The following DHDH variants were observed in gnomAD, a reference collection of about 807,000 sequenced individuals.
DHDH encodes the protein dihydrodiol dehydrogenase, also known as trans-1,2-dihydrobenzene-1,2-diol dehydrogenase.
A neutral mutation model predicts 33.2 loss-of-function variants in DHDH; 29 were observed. The observed-to-expected ratio is 0.87, with a 90% CI of 0.65 to 1.19. The LOEUF is 1.19. Among genes scored for constraint, DHDH ranks in the 50% most tolerant of loss-of-function variants. The probability of loss-of-function intolerance (pLI) is 0.00; values close to 1 mark genes in which losing one functional copy is unlikely to be tolerated. For synonymous variants in DHDH, 201 were observed against 187.9 expected, an observed-to-expected ratio of 1.07 and a Z score of -0.57; for missense variants, 431 against 455.0, an observed-to-expected ratio of 0.95 and a Z score of 0.48.
At position 48,944,881 on chromosome 19, in the gene DHDH, T is replaced by C. The variant is rs371781414; in HGVS notation, c.953T>C (p.Leu318Pro). ...LSESELLADI[L>P]EEVRKAIGVT... ...GAAAGTGAGCTCCTGGCTGACATCC[T>C]TGAAGAGGTGAGGAAGGCCATTGGA... is the stretch of plus-strand genomic sequence containing the variant. The change falls in exon 7 of 7, where the codon CTT becomes CCT. Residue 318 changes from leucine (L) to proline (P), a missense_variant. Leu to Pro is a moderately conservative substitution (Grantham distance 98, BLOSUM62 -3). Coordinates refer to ENST00000221403, the MANE Select transcript of DHDH (RefSeq NM_014475.4). 2.5e-6 allele frequency: 4 copies of C among 1,613,946 alleles called. No individual in the cohort carries two copies. The highest frequency in any genetic ancestry group is 3.4e-6 in the Non-Finnish European group (4 of 1,180,012).
At chr19:48,944,208 G>T in intron 5 of DHDH, 149 bp from the exon 6 acceptor site, 2 of 971,532 alleles carry the variant, frequency 2.1e-6, no homozygotes, top group Non-Finnish European at 3.0e-6. Context: ...AATGAAGGAG[G>T]GTCCAAAGCT....
At chr19:48,939,218 C>A (rs112197361) in intron 3 of DHDH, among the ~76,000 whole-genome samples, 11,465 of 151,474 alleles carry the variant, frequency 0.076, 1,051 homozygotes, top group African/African-American at 0.22. Context: ...GGTGGGAGGA[C>A]TGCTTGAGCC....
intron 5 of DHDH, among the ~76,000 whole-genome samples, chr19:48,943,115 C>G (rs2037889005): frequency 1.3e-5 from 2 of 151,618 alleles, no homozygotes; most frequent in Admixed American, 6.6e-5. Flanking sequence ...GGTGGTCACA[C>G]CTATAATCCC....
chr19:48,941,326 A>G (rs764670591), intron 4 of DHDH, among the ~76,000 whole-genome samples: 17 of 152,156 alleles, frequency 1.1e-4, no homozygotes, highest in Non-Finnish European at 1.9e-4. Context: ...CTACTGGCCC[A>G]TTGGCCAAAG....
Position 48,939,744 on chromosome 19 carries a change from C to T in DHDH, c.619+43C>T, listed in dbSNP as rs747999819. 7 of 1,544,366 alleles carry T rather than the reference C, an allele frequency of 4.5e-6. No individual in the cohort carries two copies. The African/African-American group carries it at 5.4e-5, about 12-fold the overall frequency. The stretch of plus-strand genomic sequence containing the variant: ...ATATTTCATGGTGATGGGAATGATT[C>T]TGTCTCTCTGGGAGCACTGAACTGA... On this transcript the variant is annotated intron_variant, in intron 4 of 6. Coordinates refer to ENST00000221403, the MANE Select transcript of DHDH (RefSeq NM_014475.4).
intron 4 of DHDH, 149 bp downstream of exon 4, chr19:48,939,850 A>C (rs1365242287): frequency 6.7e-6 from 8 of 1,199,498 alleles, no homozygotes; most frequent in Non-Finnish European, 8.0e-6. Flanking sequence ...GATCAGAGTC[A>C]AGACTGCAGG....
chr19:48,933,548 C>T (rs1415841758), upstream of DHDH: 8 of 623,572 alleles, frequency 1.3e-5, no homozygotes, highest in Non-Finnish European at 2.0e-5. Flanking sequence ...ACGGTGCATT[C>T]GCCCAGCGGG....
At chr19:48,936,224 C>T (rs1189837262) in intron 3 of DHDH, 29 bp downstream of exon 3, 11 of 1,548,660 alleles carry the variant, frequency 7.1e-6, no homozygotes, top group Non-Finnish European at 9.6e-6. Context: ...TTCCAATATC[C>T]AGCGTAAAAG....
At chr19:48,944,747 T>C in intron 6 of DHDH, 77 bp from the exon 7 acceptor site, 1 of 1,375,768 alleles carries the variant, frequency 7.3e-7, no homozygotes, top group East Asian at 2.3e-5. Context: ...TTGTGCCACA[T>C]GGAATTCTGG....
In DHDH at chr19:48,933,727, G is replaced by C; in HGVS notation, c.6G>C (p.Ala2=). 1.2e-6 allele frequency: 2 copies of C among 1,613,340 alleles called. No individual in the cohort carries two copies. Among genetic ancestry groups the C allele is most frequent in the East Asian group, 2.2e-5 (1 of 44,868 alleles). The change falls in exon 1 of 7, where the codon GCG becomes GCC. Residue 2 remains alanine (A), a synonymous_variant. Coordinates refer to ENST00000221403, the MANE Select transcript of DHDH (RefSeq NM_014475.4). M[A]LRWGIVSVGL... is the part of the protein sequence containing the mutation. ...GAGGGCTCCGCATCGCAACCATGGC[G>C]CTGCGCTGGGGCATCGTGTCTGTCG...
In DHDH at chr19:48,939,509, A is replaced by C; in HGVS notation, c.427A>C (p.Thr143Pro). Residue 143 changes from threonine (T) to proline (P), a missense_variant, in exon 4 of 7, where the codon ACT (threonine) becomes CCT (proline). Thr to Pro is a conservative substitution (Grantham distance 38, BLOSUM62 -1). Coordinates refer to ENST00000221403, the MANE Select transcript of DHDH (RefSeq NM_014475.4). The part of the protein sequence containing the change: ...EALRSVLAQG[T>P]LGDLRVARAE... ...TCTGAGGTCTGTTTTGGCCCAGGGA[A>C]CTCTAGGAGACCTCCGGGTGGCTCG... 1 of 1,613,774 alleles carries C rather than the reference A, an allele frequency of 6.2e-7. No homozygotes were observed. The highest frequency in any genetic ancestry group is 1.3e-5 in the African/African-American group (1 of 74,946).
At chr19:48,933,669 A>C (rs57625989), upstream of DHDH, 53,137 of 1,560,292 alleles carry the variant, frequency 0.034, 5,775 homozygotes, top group African/African-American at 0.38. Context: ...GGCGTCAGGT[A>C]CTTAATTCGC....
intron 4 of DHDH, among the ~76,000 whole-genome samples, chr19:48,941,599 T>G (rs921980331): frequency 6.6e-6 from 1 of 151,698 alleles, no homozygotes; most frequent in African/African-American, 2.4e-5. Flanking sequence ...CCCAGGCTGG[T>G]CTCGACCTCC....
chr19:48,937,446 C>T (rs914997102), intron 3 of DHDH, among the ~76,000 whole-genome samples: 1 of 152,100 alleles, frequency 6.6e-6, no homozygotes, highest in African/African-American at 2.4e-5. Flanking sequence ...GAGGCCGAGG[C>T]GGGCAGATCA....
rs1220946014 is a variant in DHDH at position 48,935,062 on chromosome 19, C to T, written c.153C>T (p.Ile51=). Residue 51 remains isoleucine, a synonymous_variant, in exon 2 of 7, where the codon ATC becomes ATT. Transcript: ENST00000221403. ...AGGAGTTTGCACAGAAACACGACAT[C>T]CCCAAGGCCTACGGCTCCTATGAGG... ...RAKEFAQKHD[I]PKAYGSYEEL... is the part of the protein sequence containing the mutation. 4 of 1,593,812 alleles carry T rather than the reference C, an allele frequency of 2.5e-6. No individual in the cohort carries two copies. In the Admixed American group the frequency reaches 7.0e-5, roughly 28 times the overall value.
chr19:48,935,965 G>A, intron 2 of DHDH, 67 bp from the exon 3 acceptor site: 1 of 1,545,940 alleles, frequency 6.5e-7, no homozygotes, highest in Non-Finnish European at 8.7e-7. Context: ...GGGCCTCGAA[G>A]TTGTGGGCGG....
Position 48,944,491 on chromosome 19 carries a change from GGA to G in DHDH, c.881_882del (p.Glu294ValfsTer18), listed in dbSNP as rs3835153. On this transcript the variant is annotated frameshift_variant, in exon 6 of 7. Transcript: ENST00000221403. LOFTEE classifies it high-confidence loss of function. Reference protein sequence around the residue: ...GMSYEAKHVWECLRKGMKESP... With the variant: ...GMSYEAKHVWXCLRKGMKESP... ...TGAGTTATGAGGCCAAGCACGTCTGGGAGTGCCTACGCAAGGGTAAGGATATG... is the reference window on the plus strand; with the variant it reads ...TGAGTTATGAGGCCAAGCACGTCTGGGTGCCTACGCAAGGGTAAGGATATG... 121,406 of 1,608,572 alleles carry G rather than the reference GGA, an allele frequency of 0.075. 5,474 individuals carry two copies. The highest frequency in any genetic ancestry group is 0.077 in the Non-Finnish European group (90,953 of 1,176,048).
upstream of DHDH, among the ~76,000 whole-genome samples, chr19:48,932,917 G>A (rs572386489): frequency 3.9e-4 from 59 of 152,134 alleles, no homozygotes; most frequent in Non-Finnish European, 8.4e-4. Flanking sequence ...CTGCTTTCCA[G>A]AATAGAAAAG....
At chr19:48,943,662 C>G (rs1408847171) in intron 5 of DHDH, among the ~76,000 whole-genome samples, 3 of 152,000 alleles carry the variant, frequency 2.0e-5, no homozygotes, top group Admixed American at 2.0e-4. Flanking sequence ...CCTGTCTCTA[C>G]TAAAAATGCA....
Sources: gnomAD v4.1 joint callset for allele counts (sites outside exome capture counted in the v4.1 genomes callset) on GRCh38, gnomAD v4.1.1 for gene constraint, MANE v1.5 for transcripts, NCBI Gene and HGNC (gene_info 2026-07-23, HGNC 2026-07-21) for gene names.